The following STPG2 variants were observed in gnomAD, a reference collection of about 807,000 sequenced individuals.
STPG2 encodes sperm tail PG-rich repeat containing 2.
Under a neutral mutation model 54.2 loss-of-function variants are expected in STPG2, and 56 were observed. The observed-to-expected ratio is 1.03, with a 90% CI of 0.83 to 1.29. The LOEUF (loss-of-function observed/expected upper bound fraction) is 1.29. STPG2 is among the 50% of genes most tolerant of loss of function. The pLI, the probability that STPG2 is intolerant of heterozygous loss-of-function variation, is 0.00. For synonymous variants in STPG2, 200 were observed against 181.8 expected, an observed-to-expected ratio of 1.10 and a Z score of -0.81; for missense variants, 596 against 544.9, an observed-to-expected ratio of 1.09 and a Z score of -0.93.
chr4:97,901,286 A>T (rs1731166959), intron 8 of STPG2, among the ~76,000 whole-genome samples: 1 of 152,004 alleles, frequency 6.6e-6, no homozygotes, highest in Admixed American at 6.6e-5. Context: ...GAACAAGACA[A>T]AGATGCCCAC....
At chr4:98,049,975 A>G (rs1029513130) in intron 5 of STPG2, among the ~76,000 whole-genome samples, 3 of 152,222 alleles carry the variant, frequency 2.0e-5, no homozygotes, top group Non-Finnish European at 2.9e-5. Context: ...AAATACTCAG[A>G]AAAGCCAGAC....
In STPG2 at chr4:98,051,830, G is replaced by A. The variant is rs751209220; in HGVS notation, c.612+54123C>T. On this transcript the variant is annotated intron_variant, in intron 5 of 10. Coordinates refer to ENST00000295268, the MANE Select transcript of STPG2 (RefSeq NM_174952.3). ...TACATAAATAGGAAACACGCTGGGC[G>A]CAGTGGCTCAAGCCTCACTTTGGGA... Among the ~76,000 whole-genome samples the A allele has an allele frequency of 6.6e-5, 10 of 152,062 alleles. 1 individual carries two copies. The highest frequency in any genetic ancestry group is 6.2e-4 in the South Asian group (3 of 4,816).
intron 6 of STPG2, among the ~76,000 whole-genome samples, chr4:97,976,701 G>T (rs977715049): frequency 3.9e-5 from 6 of 152,070 alleles, no homozygotes; most frequent in African/African-American, 1.4e-4. Context: ...TACATGAAAA[G>T]AAATCAAATT....
chr4:97,698,031 AT>A (rs1455682356), intron 10 of STPG2, among the ~76,000 whole-genome samples: 1 of 152,110 alleles, frequency 6.6e-6, no homozygotes, highest in Non-Finnish European at 1.5e-5. Flanking sequence ...CAGCCCCCTG[AT>A]TTCCCACTCC....
intron 8 of STPG2, among the ~76,000 whole-genome samples, chr4:97,891,968 T>A (rs1730788944): frequency 6.6e-6 from 1 of 152,040 alleles, no homozygotes; most frequent in Non-Finnish European, 1.5e-5. Context: ...TAGTAGAGGT[T>A]TCCTCATCCT....
chr4:98,071,569 C>G (rs1483187991), intron 5 of STPG2, among the ~76,000 whole-genome samples: 5 of 152,130 alleles, frequency 3.3e-5, no homozygotes, highest in African/African-American at 4.8e-5. Flanking sequence ...CAAGTGGGAT[C>G]TAATTAAACT....
chr4:97,903,810 C>A (rs982061376), intron 8 of STPG2, among the ~76,000 whole-genome samples: 9 of 152,192 alleles, frequency 5.9e-5, no homozygotes, highest in African/African-American at 2.2e-4. Context: ...TCAGGGAGTT[C>A]CCTTTCCTAG....
intron 5 of STPG2, among the ~76,000 whole-genome samples, chr4:98,038,801 C>A (rs1736854143): frequency 1.3e-5 from 2 of 151,938 alleles, no homozygotes; most frequent in South Asian, 4.1e-4. Context: ...GACATTAGGA[C>A]TGGTATCCAG....
intron 3 of STPG2, among the ~76,000 whole-genome samples, chr4:98,112,056 T>C (rs577858021): frequency 6.6e-6 from 1 of 152,160 alleles, no homozygotes; most frequent in Admixed American, 6.6e-5. Flanking sequence ...TTTCTCCAGC[T>C]TGCAGACAGC....
At chr4:97,923,022 T>C (rs1328957470) in intron 8 of STPG2, among the ~76,000 whole-genome samples, 2 of 152,248 alleles carry the variant, frequency 1.3e-5, no homozygotes, top group Non-Finnish European at 2.9e-5. Flanking sequence ...TATAAAACTG[T>C]TAGTTTTCCA....
At chr4:97,503,846 TATAA>T (rs1295405066) in intron 4 of STPG2, among the ~76,000 whole-genome samples, 2 of 67,748 alleles carry the variant, frequency 3.0e-5, no homozygotes, top group South Asian at 1.2e-3. Flanking sequence ...TTCATATTCA[TATAA>T]ATATATTTTA....
At chr4:97,890,126 A>G (rs1267671552) in intron 8 of STPG2, among the ~76,000 whole-genome samples, 1 of 152,136 alleles carries the variant, frequency 6.6e-6, no homozygotes, top group Non-Finnish European at 1.5e-5. Context: ...ACCAAGAACT[A>G]GTCACAGAGT....
At chr4:97,625,134 G>C (rs1469632926) in intron 10 of STPG2, among the ~76,000 whole-genome samples, 4 of 152,152 alleles carry the variant, frequency 2.6e-5, no homozygotes, top group Non-Finnish European at 5.9e-5. Flanking sequence ...AAACCATGTA[G>C]TCTGAGATAT....
Position 97,777,999 on chromosome 4 carries a change from C to T in STPG2, c.1204+62774G>A, listed in dbSNP as rs563835446. ...CTCCCAGCATGAGCGACACAGAAGA[C>T]AGGTGATTTCTGCATTTCCAAATGA... is the stretch of plus-strand genomic sequence containing the variant. On this transcript the variant is annotated intron_variant, in intron 9 of 10. Transcript: ENST00000295268. Among the ~76,000 whole-genome samples, 190 of 152,238 alleles carry T rather than the reference C, an allele frequency of 1.2e-3. 1 individual carries two copies. The highest frequency in any genetic ancestry group is 4.4e-3 in the African/African-American group (181 of 41,532).
chr4:97,547,106 C>A (rs964504132), intron 4 of STPG2, among the ~76,000 whole-genome samples: 3 of 150,624 alleles, frequency 2.0e-5, no homozygotes, highest in Non-Finnish European at 4.4e-5. Context: ...AAGTTCAATA[C>A]GTACGAACTA....
chr4:98,023,305 A>T (rs988237667), intron 5 of STPG2, among the ~76,000 whole-genome samples: 5 of 152,190 alleles, frequency 3.3e-5, no homozygotes, highest in Non-Finnish European at 7.3e-5. Flanking sequence ...TTGCCTGGGT[A>T]TCAGCAGCGG....
intron 8 of STPG2, among the ~76,000 whole-genome samples, chr4:97,938,457 G>GC (rs368368678): frequency 3.3e-5 from 5 of 151,640 alleles, no homozygotes; most frequent in Non-Finnish European, 7.4e-5. Context: ...CAGTGACTAA[G>GC]TCAGAAGGCT....
intron 9 of STPG2, among the ~76,000 whole-genome samples, chr4:97,819,319 GAATA>G (rs1429658571): frequency 2.0e-5 from 3 of 151,850 alleles, no homozygotes; most frequent in Admixed American, 6.6e-5. Flanking sequence ...TGAGAAAACA[GAATA>G]AATAATTAAT....
chr4:97,892,741 T>C (rs1470984750), intron 8 of STPG2, among the ~76,000 whole-genome samples: 1 of 152,184 alleles, frequency 6.6e-6, no homozygotes, highest in Non-Finnish European at 1.5e-5. Flanking sequence ...TGCCTTTGCA[T>C]ATTTGGTCTC....
Sources: gnomAD v4.1 joint callset for allele counts (sites outside exome capture counted in the v4.1 genomes callset) on GRCh38, gnomAD v4.1.1 for gene constraint, MANE v1.5 for transcripts, NCBI Gene and HGNC (gene_info 2026-07-23, HGNC 2026-07-21) for gene names.